RREB1: variants seen among roughly 807,000 people sequenced by gnomAD.
RREB1 encodes the protein ras responsive element binding protein 1.
In RREB1, 27 loss-of-function variants were observed where a neutral mutation model predicts 117.8. That is an observed-to-expected ratio of 0.23 (90% CI 0.17 to 0.32). The LOEUF (loss-of-function observed/expected upper bound fraction) is 0.32. Among genes scored for constraint, RREB1 ranks in the 10% least tolerant of loss-of-function variants. RREB1 has a pLI of 1.00. For missense variants in RREB1, 2,577 were observed against 2,378.2 expected, an observed-to-expected ratio of 1.08 and a Z score of -1.74; for synonymous variants, 1,298 against 1,026.7, an observed-to-expected ratio of 1.26 and a Z score of -5.05.
chr6:7,192,686 C>T (rs965918703), intron 6 of RREB1, among the ~76,000 whole-genome samples: 6 of 152,114 alleles, frequency 3.9e-5, no homozygotes, highest in African/African-American at 1.4e-4. Flanking sequence ...TTCTTTTCTT[C>T]CCTTAGTCAA....
At chr6:7,219,555 G>A (rs569732506) in intron 8 of RREB1, among the ~76,000 whole-genome samples, 1 of 152,182 alleles carries the variant, frequency 6.6e-6, no homozygotes, top group Non-Finnish European at 1.5e-5. Flanking sequence ...TCACCAGCTC[G>A]TGTGGGAGTC....
intron 2 of RREB1, among the ~76,000 whole-genome samples, chr6:7,178,349 G>A (rs1764613296): frequency 6.6e-6 from 1 of 152,156 alleles, no homozygotes; most frequent in South Asian, 2.1e-4. Flanking sequence ...GAGGGTTTAG[G>A]TTGGTTAGTT....
At chr6:7,246,294 C>A in intron 11 of RREB1, 130 bp from the exon 12 acceptor site, 1 of 743,984 alleles carries the variant, frequency 1.3e-6, no homozygotes, top group Non-Finnish European at 2.0e-6. Flanking sequence ...AGGATTTGGG[C>A]CGAAAGAAGT....
chr6:7,212,569 T>C (rs1766674904), intron 8 of RREB1: 1 of 152,198 alleles, frequency 6.6e-6, no homozygotes, highest in Admixed American at 6.5e-5. Flanking sequence ...TAGGAACCCC[T>C]GTTGTCGTTG....
In RREB1 at chr6:7,230,416, C is replaced by A. The variant is rs370922636; in HGVS notation, c.2317C>A (p.Arg773Ser). Reference protein sequence around the residue: ...KHYRALRIHMRTHCGRGLGGG... With the variant: ...KHYRALRIHMSTHCGRGLGGG... Reference sequence around the variant, plus strand: ...CTATCGTGCCCTGCGCATCCACATGCGCACGCACTGCGGCCGCGGCCTGGG... The same window carrying A: ...CTATCGTGCCCTGCGCATCCACATGAGCACGCACTGCGGCCGCGGCCTGGG... The change falls in exon 10 of 13, where the codon CGC becomes AGC. Residue 773 changes from arginine to serine, a missense_variant. Physicochemically the swap from Arg to Ser is moderately radical, Grantham distance 110 (BLOSUM62 -1). Transcript: ENST00000379938. 44 of 1,591,604 alleles carry A rather than the reference C, an allele frequency of 2.8e-5. No individual in the cohort carries two copies. The highest frequency in any genetic ancestry group is 6.7e-5 in the Admixed American group (4 of 59,372).
intron 1 of RREB1, among the ~76,000 whole-genome samples, chr6:7,129,141 G>A (rs747555720): frequency 1.3e-5 from 2 of 152,224 alleles, no homozygotes; most frequent in Admixed American, 6.5e-5. Flanking sequence ...TGTGGACCCT[G>A]AGCCAAGTTC....
chr6:7,181,885 T>G lies in RREB1; in HGVS notation c.-27T>G, dbSNP rs763380944. 14 of 1,613,842 alleles carry G rather than the reference T, an allele frequency of 8.7e-6. No homozygotes were observed. The highest frequency in any genetic ancestry group is 1.3e-5 in the African/African-American group (1 of 75,040). On this transcript the variant is annotated 5_prime_UTR_variant, in exon 4 of 13. Transcript: ENST00000379938. ...CAATTTTCAGTTTTATAGCAGAGGC[T>G]TCTTAGAAGCTTAAACCCCTGTCCC...
At chr6:7,126,109 C>G (rs1761899487) in intron 1 of RREB1, among the ~76,000 whole-genome samples, 2 of 152,128 alleles carry the variant, frequency 1.3e-5, no homozygotes, top group Admixed American at 6.5e-5. Flanking sequence ...TCAAGTGATT[C>G]TCCTGCCTCA....
At chr6:7,108,645 C>T (rs1481426981) in intron 1 of RREB1, 1 of 152,222 alleles carries the variant, frequency 6.6e-6, no homozygotes, top group Non-Finnish European at 1.5e-5. Context: ...CTTTCGAGTC[C>T]TTCTCGGGCC....
At chr6:7,208,629 A>C (rs529584548) in intron 6 of RREB1, among the ~76,000 whole-genome samples, 4 of 152,260 alleles carry the variant, frequency 2.6e-5, no homozygotes, top group African/African-American at 4.8e-5. Flanking sequence ...TGCTTTGGTC[A>C]CTCTGCCACT....
intron 1 of RREB1, among the ~76,000 whole-genome samples, chr6:7,141,825 CG>C (rs1561740753): frequency 6.6e-6 from 1 of 152,160 alleles, no homozygotes; most frequent in Non-Finnish European, 1.5e-5. Context: ...AACGGGCAGC[CG>C]GGTGGCCGGG....
chr6:7,197,444 G>A lies in RREB1; in HGVS notation c.425+8122G>A, dbSNP rs558183739. ...ATGGTGAAGATGGGCCAGTACTTTG[G>A]GAGGCCAAGGTGAGTGGATCACTTG... On this transcript the variant is annotated intron_variant, in intron 6 of 12. Coordinates refer to ENST00000379938, the MANE Select transcript of RREB1 (RefSeq NM_001003699.4). Among the ~76,000 whole-genome samples, 31 of 152,288 alleles carry A rather than the reference G, an allele frequency of 2.0e-4. 1 individual carries two copies. In the South Asian group the frequency reaches 6.4e-3, roughly 32 times the overall value.
chr6:7,173,867 C>G (rs1764361665), intron 1 of RREB1, among the ~76,000 whole-genome samples: 1 of 152,162 alleles, frequency 6.6e-6, no homozygotes, highest in South Asian at 2.1e-4. Context: ...TATCTTTCAT[C>G]TCTTCATTGC....
chr6:7,111,626 A>G (rs138746362), intron 1 of RREB1, among the ~76,000 whole-genome samples: 1 of 152,300 alleles, frequency 6.6e-6, no homozygotes, highest in Non-Finnish European at 1.5e-5. Context: ...TGAATCTTCT[A>G]TGTCCTTTGA....
intron 8 of RREB1, chr6:7,213,634 A>G (rs1766737876): frequency 2.0e-5 from 3 of 152,252 alleles, no homozygotes; most frequent in Admixed American, 2.0e-4. Flanking sequence ...AAATACTGAA[A>G]TAGTTCTCTA....
intron 8 of RREB1, among the ~76,000 whole-genome samples, chr6:7,223,553 T>C (rs1278606582): frequency 1.6e-4 from 9 of 57,044 alleles, no homozygotes; most frequent in Non-Finnish European, 3.2e-5. Context: ...AAAACAAAAC[T>C]CTTGTCTCAA....
At chr6:7,246,155 A>G (rs769897485) in intron 11 of RREB1, among the ~76,000 whole-genome samples, 4 of 152,160 alleles carry the variant, frequency 2.6e-5, no homozygotes, top group Non-Finnish European at 4.4e-5. Context: ...GGGCGGGGGC[A>G]GTGGAAGCCA....
At chr6:7,140,896 A>C (rs1191677881) in intron 1 of RREB1, 1 of 152,048 alleles carries the variant, frequency 6.6e-6, no homozygotes, top group Non-Finnish European at 1.5e-5. Context: ...CCCGCCCCGG[A>C]CGGCCTTTTC....
At chr6:7,168,929 T>A (rs1216896458) in intron 1 of RREB1, among the ~76,000 whole-genome samples, 2 of 147,716 alleles carry the variant, frequency 1.4e-5, no homozygotes, top group African/African-American at 4.8e-5. Flanking sequence ...CCTTACAAGA[T>A]GTGGGGGAGG....
Sources: allele counts gnomAD v4.1 joint callset (sites outside exome capture counted in the v4.1 genomes callset), GRCh38; gene constraint gnomAD v4.1.1; transcripts MANE v1.5; gene names NCBI Gene and HGNC (gene_info 2026-07-23, HGNC 2026-07-21).